DAP: variants seen among roughly 807,000 people sequenced by gnomAD.
DAP encodes the protein death associated protein.
In DAP, 8 loss-of-function variants were observed where a neutral mutation model predicts 13.8. The observed-to-expected ratio is 0.58, with a 90% CI of 0.34 to 1.05. The LOEUF is 1.05. Among genes scored for constraint, DAP ranks in the 50% least tolerant of loss-of-function variants. The pLI, the probability that DAP is intolerant of heterozygous loss-of-function variation, is 0.03. For synonymous variants in DAP, 47 were observed against 47.5 expected (o/e 0.99, Z 0.04); for missense variants, 106 against 133.2 (o/e 0.80, Z 1.01).
intron 2 of DAP, among the ~76,000 whole-genome samples, chr5:10,708,927 T>TG (rs914335092): frequency 6.6e-6 from 1 of 152,226 alleles, no homozygotes. Flanking sequence ...TCATGTTCAT[T>TG]GGGTCAAAGG....
intron 2 of DAP, among the ~76,000 whole-genome samples, chr5:10,683,910 T>C (rs1381374030): frequency 6.6e-6 from 1 of 152,200 alleles, no homozygotes; most frequent in Admixed American, 6.5e-5. Context: ...CACAGCAGCC[T>C]CCACCTCCTA....
At chr5:10,731,051 C>T (rs434033) in intron 2 of DAP, among the ~76,000 whole-genome samples, 1 of 29,568 alleles carries the variant, frequency 3.4e-5, no homozygotes, top group Non-Finnish European at 6.7e-5. Flanking sequence ...GAATCTTTCT[C>T]TATTGAGAGC....
At chr5:10,688,540 A>G (rs1738214446) in intron 2 of DAP, among the ~76,000 whole-genome samples, 1 of 152,154 alleles carries the variant, frequency 6.6e-6, no homozygotes, top group African/African-American at 2.4e-5. Flanking sequence ...GGTGGCCTGG[A>G]GCAGACCCTG....
At chr5:10,718,423 G>T (rs564809693) in intron 2 of DAP, among the ~76,000 whole-genome samples, 1 of 152,320 alleles carries the variant, frequency 6.6e-6, no homozygotes, top group South Asian at 2.1e-4. Flanking sequence ...GGGCTATTAT[G>T]GTGGGAAAGG....
chr5:10,748,213 T>C lies in DAP; in HGVS notation c.114A>G (p.Glu38=), dbSNP rs1739960519. 6.2e-7 allele frequency: 1 copy of C among 1,614,002 alleles called. No individual in the cohort carries two copies. The highest frequency in any genetic ancestry group is 1.7e-5 in the Admixed American group (1 of 60,012). The change falls in exon 2 of 4, where the codon GAA becomes GAG. Residue 38 remains glutamate (E), a synonymous_variant. Transcript: ENST00000230895. ...QKHPHTGDTK[E]EKDKDDQEWE... ...ATTCCTGGTCATCCTTGTCTTTCTCTTCTTTGGTGTCTCCTGTATGTGGGT... is the reference window on the plus strand; with the variant it reads ...ATTCCTGGTCATCCTTGTCTTTCTCCTCTTTGGTGTCTCCTGTATGTGGGT...
At chr5:10,682,589 G>A (rs1054072832) in intron 3 of DAP, among the ~76,000 whole-genome samples, 1 of 152,178 alleles carries the variant, frequency 6.6e-6, no homozygotes, top group African/African-American at 2.4e-5. Flanking sequence ...GCCCAGGCCA[G>A]CACCCACCAG....
At chr5:10,722,603 T>TACATATATACATATATAC (rs1739181493) in intron 2 of DAP, among the ~76,000 whole-genome samples, 1 of 149,046 alleles carries the variant, frequency 6.7e-6, no homozygotes, top group African/African-American at 2.5e-5. Context: ...TACATATATA[T>TACATATATACATATATAC]ACATATATAC....
intron 2 of DAP, among the ~76,000 whole-genome samples, chr5:10,710,587 G>A (rs910655119): frequency 6.6e-6 from 1 of 152,350 alleles, no homozygotes; most frequent in East Asian, 1.9e-4. Flanking sequence ...GCTCTGGAGG[G>A]TGCAGAGGAA....
chr5:10,708,808 C>A (rs1475435332), intron 2 of DAP, among the ~76,000 whole-genome samples: 1 of 152,158 alleles, frequency 6.6e-6, no homozygotes, highest in East Asian at 1.9e-4. Flanking sequence ...GTTCTCAGCA[C>A]CTCTAACTAG....
chr5:10,690,400 ATCACCT>A (rs999646778), intron 2 of DAP, among the ~76,000 whole-genome samples: 13 of 152,272 alleles, frequency 8.5e-5, no homozygotes, highest in Admixed American at 4.6e-4. Context: ...TTATGCTATC[ATCACCT>A]TTATCTATTT....
chr5:10,748,422 T>C, intron 1 of DAP, 151 bp from the exon 2 acceptor site: 1 of 645,396 alleles, frequency 1.5e-6, no homozygotes, highest in South Asian at 1.8e-5. Context: ...AAGGTCAGGG[T>C]TGTCGGGGTA....
intron 2 of DAP, among the ~76,000 whole-genome samples, chr5:10,742,562 T>C (rs1163039218): frequency 6.6e-6 from 1 of 152,174 alleles, no homozygotes; most frequent in African/African-American, 2.4e-5. Flanking sequence ...TACTATCACT[T>C]TGTTGCAAAT....
At chr5:10,688,533 G>A (rs1195800830) in intron 2 of DAP, among the ~76,000 whole-genome samples, 1 of 152,142 alleles carries the variant, frequency 6.6e-6, no homozygotes, top group African/African-American at 2.4e-5. Context: ...TTATTATGGT[G>A]GCCTGGAGCA....
chr5:10,685,931 C>A (rs1020792868), intron 2 of DAP, among the ~76,000 whole-genome samples: 3 of 152,158 alleles, frequency 2.0e-5, no homozygotes, highest in Non-Finnish European at 2.9e-5. Flanking sequence ...TACAGACACA[C>A]ACACACACAA....
intron 2 of DAP, among the ~76,000 whole-genome samples, chr5:10,715,315 G>A (rs1409214211): frequency 6.6e-6 from 1 of 152,178 alleles, no homozygotes; most frequent in African/African-American, 2.4e-5. Flanking sequence ...ATGGCAGCCA[G>A]ATTACAGGGC....
intron 2 of DAP, among the ~76,000 whole-genome samples, chr5:10,697,341 A>AT (rs1420716395): frequency 6.6e-6 from 1 of 152,238 alleles, no homozygotes; most frequent in Non-Finnish European, 1.5e-5. Context: ...ATTAGTCTGT[A>AT]TAACGATCAT....
At chr5:10,735,658 C>T (rs1474586260) in intron 2 of DAP, among the ~76,000 whole-genome samples, 1 of 152,174 alleles carries the variant, frequency 6.6e-6, no homozygotes, top group South Asian at 2.1e-4. Flanking sequence ...TGGGGCCACA[C>T]CACTGTACAC....
intron 2 of DAP, among the ~76,000 whole-genome samples, chr5:10,709,988 C>T (rs1212003132): frequency 2.0e-5 from 3 of 152,206 alleles, no homozygotes; most frequent in Admixed American, 6.5e-5. Flanking sequence ...CTGTGTGTAA[C>T]CAGCCCCAGG....
At chr5:10,754,473 G>A (rs528962338) in intron 1 of DAP, among the ~76,000 whole-genome samples, 56 of 152,220 alleles carry the variant, frequency 3.7e-4, no homozygotes, top group Admixed American at 4.6e-4. Context: ...TAAATTACAC[G>A]GAGCAACCCT....
Sources: gnomAD v4.1 joint callset for allele counts (sites outside exome capture counted in the v4.1 genomes callset) on GRCh38, gnomAD v4.1.1 for gene constraint, MANE v1.5 for transcripts, NCBI Gene and HGNC (gene_info 2026-07-23, HGNC 2026-07-21) for gene names.